The following DYNC2H1 variants were observed in gnomAD, a reference collection of about 807,000 sequenced individuals.
DYNC2H1 encodes the protein dynein cytoplasmic 2 heavy chain 1.
DYNC2H1 carries 410 observed loss-of-function variants against 570.0 expected under a neutral mutation model. The ratio of observed to expected loss-of-function variants is 0.72; its 90% CI spans 0.66 to 0.78. The LOEUF (loss-of-function observed/expected upper bound fraction) is 0.78. Ranked by LOEUF, DYNC2H1 falls within the 30% of genes least tolerant of loss-of-function variation. The probability of loss-of-function intolerance (pLI) is 0.00; values close to 1 mark genes in which losing one functional copy is unlikely to be tolerated. For synonymous variants in DYNC2H1, 1,688 were observed against 1,677.6 expected (o/e 1.01, Z -0.15); for missense variants, 4,865 against 5,046.4 (o/e 0.96, Z 1.09).
chr11:103,240,223 T>C (rs1449870699), intron 63 of DYNC2H1, among the ~76,000 whole-genome samples: 1 of 152,196 alleles, frequency 6.6e-6, no homozygotes, highest in Non-Finnish European at 1.5e-5. Context: ...TTACCCTTTG[T>C]TAACCTTGTC....
At chr11:103,236,847 A>G (rs768797157) in intron 63 of DYNC2H1, among the ~76,000 whole-genome samples, 4 of 151,944 alleles carry the variant, frequency 2.6e-5, no homozygotes, top group Non-Finnish European at 4.4e-5. Flanking sequence ...TAGTTTCTTC[A>G]TGAGTACAGA....
At chr11:103,166,124 T>G (rs548240918) in intron 31 of DYNC2H1, 76 bp downstream of exon 31, 2 of 1,253,550 alleles carry the variant, frequency 1.6e-6, no homozygotes, top group African/African-American at 3.1e-5. Flanking sequence ...ACCTATTGTG[T>G]TTTTGACTGT....
At chr11:103,362,648 G>A (rs1940711708) in intron 83 of DYNC2H1, among the ~76,000 whole-genome samples, 1 of 151,908 alleles carries the variant, frequency 6.6e-6, no homozygotes, top group Non-Finnish European at 1.5e-5. Flanking sequence ...TGTTTTCTTT[G>A]ACTTGCCTTA....
chr11:103,230,066 G>A (rs927839537), intron 59 of DYNC2H1, among the ~76,000 whole-genome samples: 6 of 152,160 alleles, frequency 3.9e-5, no homozygotes, highest in South Asian at 4.2e-4. Flanking sequence ...GTAAGCCCTC[G>A]CAATCTCTGT....
In DYNC2H1 at chr11:103,311,935, C is replaced by A. The variant is rs753710998; in HGVS notation, c.11551C>A (p.Gln3851Lys). ...MRTYESWTPE[Q>K]ISKKDNTHRA... ...TACTTATGAGTCTTGGACTCCTGAG[C>A]AAATTAGCAAAAAAGATAATACACA... Residue 3851 changes from glutamine (Q) to lysine (K), a missense_variant, in exon 79 of 89, where the codon CAA becomes AAA. By Grantham distance (53) the Gln-to-Lys change is moderately conservative. Around this residue, in one of 5 missense-constraint regions of DYNC2H1, gnomAD observed 2,401 missense variants for 2,454.6 expected, o/e 0.98. Coordinates refer to ENST00000375735, the MANE Select transcript of DYNC2H1 (RefSeq NM_001377.3). 7.4e-6 allele frequency: 12 copies of A among 1,613,304 alleles called. No homozygotes were observed. Among genetic ancestry groups the A allele is most frequent in the Admixed American group, 3.3e-5 (2 of 59,924 alleles).
intron 82 of DYNC2H1, among the ~76,000 whole-genome samples, chr11:103,335,628 A>C (rs1301711508): frequency 6.6e-6 from 1 of 152,134 alleles, no homozygotes; most frequent in Admixed American, 6.5e-5. Flanking sequence ...CGGTTACTAC[A>C]TTTATTACAA....
intron 84 of DYNC2H1, chr11:103,409,739 A>G (rs1709150): frequency 0.51 from 77,893 of 153,954 alleles, 20,013 homozygotes; most frequent in African/African-American, 0.6. Flanking sequence ...TCTTCCCACT[A>G]TTTTGCCACA....
In DYNC2H1 at chr11:103,199,968, A is replaced by C; in HGVS notation, c.8089-78A>C. ...AACACATGATACTGGCATACTTTAC[A>C]TACAAATACAAAATGTTAATTTTTA... On this transcript the variant is annotated intron_variant, in intron 49 of 88. Coordinates refer to ENST00000375735, the MANE Select transcript of DYNC2H1 (RefSeq NM_001377.3). This position sits in a 1 kb window ranked among gnomAD's most constrained non-coding sequence, Gnocchi z 4.6. 1.1e-6 allele frequency: 1 copy of C among 912,512 alleles called. No individual in the cohort carries two copies. Among genetic ancestry groups the C allele is most frequent in the Non-Finnish European group, 1.7e-6 (1 of 578,772 alleles). 56.5% of individuals were successfully genotyped at this position (912,512 alleles called of 1,614,324 possible).
chr11:103,443,869 T>C (rs1284239872), intron 85 of DYNC2H1, among the ~76,000 whole-genome samples: 7 of 151,878 alleles, frequency 4.6e-5, no homozygotes, highest in Non-Finnish European at 1.0e-4. Context: ...CTTTTTCTCC[T>C]TGAGAAATTT....
At chr11:103,410,532 C>T (rs1048216501) in intron 84 of DYNC2H1, among the ~76,000 whole-genome samples, 9 of 152,004 alleles carry the variant, frequency 5.9e-5, no homozygotes, top group African/African-American at 9.7e-5. Context: ...TATAAAGCAC[C>T]GCCAAGTCCT....
chr11:103,220,505 GA>G (rs1863544889), intron 56 of DYNC2H1, 117 bp from the exon 57 acceptor site: 17 of 972,790 alleles, frequency 1.7e-5, no homozygotes, highest in Non-Finnish European at 2.3e-5. Context: ...TTTTAAGAGA[GA>G]GAACATTAGT....
chr11:103,287,384 C>A, intron 74 of DYNC2H1, 149 bp from the exon 75 acceptor site: 1 of 609,952 alleles, frequency 1.6e-6, no homozygotes, highest in Non-Finnish European at 2.8e-6. Flanking sequence ...CCTATTGTGA[C>A]AGTTTAAAGC....
intron 5 of DYNC2H1, 39 bp downstream of exon 5, chr11:103,116,753 C>T: frequency 6.5e-7 from 1 of 1,546,100 alleles, no homozygotes. Context: ...TTTTGAAAAC[C>T]TGTCTTATTT....
rs150451966 is a variant in DYNC2H1 at position 103,204,689 on chromosome 11, A to G, written c.8312-133A>G. On this transcript the variant is annotated intron_variant, in intron 51 of 88. Coordinates refer to ENST00000375735, the MANE Select transcript of DYNC2H1 (RefSeq NM_001377.3). The surrounding 1 kb of genome is among the most constrained non-coding windows in gnomAD (Gnocchi z 4.1). ...TCTTTTAACTAAAATAAAAATCATA[A>G]CATAATATTGTTTTATATTGTGCTC... The G allele has an allele frequency of 2.8e-3, 1,592 of 565,394 alleles. 75 individuals are homozygous for G. In the Admixed American group the frequency reaches 0.058, roughly 21 times the overall value. The allele number at this position is 565,394 out of a possible 1,614,324, so 35.0% of individuals were successfully genotyped here. A position where few individuals can be genotyped will look rare whatever the true frequency, so the allele number is the denominator to read the frequency against.
intron 82 of DYNC2H1, among the ~76,000 whole-genome samples, chr11:103,341,142 C>T (rs1315273810): frequency 6.6e-6 from 1 of 152,138 alleles, no homozygotes; most frequent in African/African-American, 2.4e-5. Flanking sequence ...TTAACTGTAG[C>T]ACCCAGCTGC....
At position 103,185,141 on chromosome 11, in the gene DYNC2H1, A is replaced by T. The variant is rs184843428; in HGVS notation, c.6633+90A>T. The T allele has an allele frequency of 1.2e-5, 15 of 1,222,170 alleles. No homozygotes were observed. In the Admixed American group the frequency reaches 3.1e-4, roughly 25 times the overall value. 75.7% of individuals were successfully genotyped at this position (1,222,170 alleles called of 1,614,324 possible). A position where few individuals can be genotyped will look rare whatever the true frequency, so the allele number is the denominator to read the frequency against. The stretch of plus-strand genomic sequence containing the variant: ...AAACACAATGATTTGTAACTGTAAG[A>T]TATGGAACTTTTAAAATTTGAAATT... On this transcript the variant is annotated intron_variant, in intron 41 of 88. Coordinates refer to ENST00000375735, the MANE Select transcript of DYNC2H1 (RefSeq NM_001377.3). The surrounding 1 kb of genome is among the most constrained non-coding windows in gnomAD (Gnocchi z 4.5).
At chr11:103,306,807 A>T (rs924321819) in intron 77 of DYNC2H1, among the ~76,000 whole-genome samples, 1 of 152,160 alleles carries the variant, frequency 6.6e-6, no homozygotes, top group Non-Finnish European at 1.5e-5. Flanking sequence ...CATTTATTAA[A>T]TTTACAAATA....
At chr11:103,313,653 C>T (rs1867695084) in intron 79 of DYNC2H1, among the ~76,000 whole-genome samples, 1 of 152,146 alleles carries the variant, frequency 6.6e-6, no homozygotes, top group Admixed American at 6.5e-5. Flanking sequence ...TTTTAACCCC[C>T]AAAAGCGTCA....
intron 83 of DYNC2H1, among the ~76,000 whole-genome samples, chr11:103,378,811 T>C (rs1941510883): frequency 6.6e-6 from 1 of 152,260 alleles, no homozygotes; most frequent in Non-Finnish European, 1.5e-5. Flanking sequence ...ATTCTTTTTC[T>C]ACAACTCTTA....
Sources: allele counts gnomAD v4.1 joint callset (sites outside exome capture counted in the v4.1 genomes callset), GRCh38; gene constraint gnomAD v4.1.1; regional missense constraint gnomAD v4.1.1; non-coding constraint Gnocchi (gnomAD v3.1); transcripts MANE v1.5; gene names NCBI Gene and HGNC (gene_info 2026-07-23, HGNC 2026-07-21).